The following NLGN1 variants were observed in gnomAD, a reference collection of about 807,000 sequenced individuals.
The protein encoded by NLGN1 is neuroligin 1.
A neutral mutation model predicts 65.5 loss-of-function variants in NLGN1; 12 were observed. The observed-to-expected ratio is 0.18, with a 90% CI of 0.12 to 0.30. The LOEUF is 0.30. NLGN1 is among the 10% of genes least tolerant of loss of function. NLGN1 has a pLI of 1.00. For synonymous variants in NLGN1, 350 were observed against 359.5 expected (o/e 0.97, Z 0.30); for missense variants, 750 against 1,007.1 (o/e 0.74, Z 3.46).
intron 4 of NLGN1, among the ~76,000 whole-genome samples, chr3:173,843,717 CATTGTGGGCAAAGCCATTCAACA>C (rs1412271623): frequency 6.6e-6 from 1 of 152,158 alleles, no homozygotes; most frequent in Non-Finnish European, 1.5e-5. Flanking sequence ...TTACTATCAG[CATTGTGGGCAAAGCCATTCAACA>C]AGTCTCTAGG....
Position 173,644,225 on chromosome 3 carries a change from AGCACCTTG to A in NLGN1, c.493+39138_493+39145del, listed in dbSNP as rs1757876979. 1.3e-5 allele frequency: 2 copies of A among 152,738 alleles called. 1 individual carries two copies. Among genetic ancestry groups the A allele is most frequent in the East Asian group, 3.9e-4 (2 of 5,192 alleles). The allele number at this position is 152,738 out of a possible 1,614,324, so 9.5% of individuals were successfully genotyped here. On this transcript the variant is annotated intron_variant, in intron 3 of 6. Transcript: ENST00000457714. The stretch of plus-strand genomic sequence containing the variant: ...GCTAAACAAGGAGCCAGCCCCAGTC[AGCACCTTG>A]GCATCTGCCTGGCCTCAGTGGCCCT...
At chr3:173,655,526 A>G (rs997016245) in intron 3 of NLGN1, among the ~76,000 whole-genome samples, 1 of 151,992 alleles carries the variant, frequency 6.6e-6, no homozygotes, top group Non-Finnish European at 1.5e-5. Flanking sequence ...GGAAGCATAT[A>G]TGACAGGTGT....
At chr3:173,579,314 A>G (rs766160853) in intron 2 of NLGN1, among the ~76,000 whole-genome samples, 2 of 152,214 alleles carry the variant, frequency 1.3e-5, no homozygotes, top group African/African-American at 2.4e-5. Flanking sequence ...TCTCTAGAAA[A>G]AAATACAAAA....
At chr3:173,765,586 C>T (rs1196588294) in intron 3 of NLGN1, among the ~76,000 whole-genome samples, 1 of 152,148 alleles carries the variant, frequency 6.6e-6, no homozygotes, top group African/African-American at 2.4e-5. Context: ...GCATCTTCCC[C>T]TACAGAATGT....
chr3:173,508,214 A>G (rs1029254845), intron 2 of NLGN1, among the ~76,000 whole-genome samples: 11 of 152,030 alleles, frequency 7.2e-5, no homozygotes, highest in African/African-American at 2.7e-4. Flanking sequence ...ATTTTGGTTC[A>G]TAATGTTAGT....
intron 4 of NLGN1, among the ~76,000 whole-genome samples, chr3:174,123,990 G>A (rs928763338): frequency 6.6e-6 from 1 of 152,022 alleles, no homozygotes; most frequent in Non-Finnish European, 1.5e-5. Context: ...TCTAGAGGTA[G>A]GGTCTTTAGG....
Position 173,512,319 on chromosome 3 carries a change from T to A in NLGN1, c.-321+77241T>A, listed in dbSNP as rs1416833501. On this transcript the variant is annotated intron_variant, in intron 2 of 6. Transcript: ENST00000457714. ...AGAGGATTGAGGTCACATGGACGAA[T>A]TGAAAGATGGTGAATGTGGAGAATT... Among the ~76,000 whole-genome samples, 3 of 152,130 alleles carry A rather than the reference T, an allele frequency of 2.0e-5. No homozygotes were observed. The East Asian group carries it at 5.8e-4, about 29-fold the overall frequency.
At chr3:173,938,700 A>G (rs1244156873) in intron 4 of NLGN1, among the ~76,000 whole-genome samples, 3 of 152,176 alleles carry the variant, frequency 2.0e-5, no homozygotes, top group Admixed American at 6.5e-5. Flanking sequence ...TGACAAGAGG[A>G]CTAGAACAAA....
intron 3 of NLGN1, among the ~76,000 whole-genome samples, chr3:173,792,694 A>C (rs1713077542): frequency 6.6e-6 from 1 of 152,158 alleles, no homozygotes; most frequent in South Asian, 2.1e-4. Context: ...TGCAGATAGT[A>C]AGAGGGTCTT....
At chr3:173,958,719 G>A (rs944235637) in intron 4 of NLGN1, among the ~76,000 whole-genome samples, 2 of 152,128 alleles carry the variant, frequency 1.3e-5, no homozygotes, top group Non-Finnish European at 2.9e-5. Context: ...CTTCACTAGG[G>A]ACTCTCCCCT....
At chr3:173,605,472 C>A (rs1751245767) in intron 3 of NLGN1, 62 bp from the exon 3 acceptor site, 1 of 851,740 alleles carries the variant, frequency 1.2e-6, no homozygotes, top group Non-Finnish European at 1.7e-6. Context: ...AGTGGTGTTG[C>A]ATGTTCCGGC....
intron 4 of NLGN1, among the ~76,000 whole-genome samples, chr3:174,054,784 T>A (rs910737076): frequency 5.3e-5 from 8 of 152,042 alleles, no homozygotes; most frequent in Non-Finnish European, 8.8e-5. Context: ...TAAAAGTTTC[T>A]AAGCACTTAT....
chr3:173,445,981 T>G (rs937561894), intron 2 of NLGN1, among the ~76,000 whole-genome samples: 1 of 152,198 alleles, frequency 6.6e-6, no homozygotes, highest in Admixed American at 6.5e-5. Context: ...AGATTACCCC[T>G]GTTTTTGCTT....
At chr3:173,423,337 A>T (rs1302757808) in intron 1 of NLGN1, among the ~76,000 whole-genome samples, 1 of 152,158 alleles carries the variant, frequency 6.6e-6, no homozygotes, top group African/African-American at 2.4e-5. Flanking sequence ...TTCAAAATCA[A>T]TAATGCCTTC....
chr3:174,290,571 GTTAAAA>G (rs1308389149), downstream of NLGN1, among the ~76,000 whole-genome samples: 7 of 150,968 alleles, frequency 4.6e-5, no homozygotes, highest in African/African-American at 7.3e-5. Flanking sequence ...CGAATAACAA[GTTAAAA>G]TTAAAATGTT....
intron 4 of NLGN1, among the ~76,000 whole-genome samples, chr3:174,273,837 G>A (rs1426517443): frequency 6.6e-6 from 1 of 151,582 alleles, no homozygotes; most frequent in Admixed American, 6.6e-5. Flanking sequence ...AAATTATTCA[G>A]GAGAATTTGT....
At chr3:174,083,674 T>C (rs538659213) in intron 4 of NLGN1, among the ~76,000 whole-genome samples, 2 of 152,316 alleles carry the variant, frequency 1.3e-5, no homozygotes, top group East Asian at 1.9e-4. Context: ...CTGATGCTCA[T>C]GTAACTCATT....
intron 2 of NLGN1, among the ~76,000 whole-genome samples, chr3:173,460,343 G>A (rs1328290568): frequency 6.6e-6 from 1 of 152,044 alleles, no homozygotes; most frequent in Non-Finnish European, 1.5e-5. Flanking sequence ...AAGCCTTCAG[G>A]AGACTTACGG....
chr3:173,767,149 G>A (rs539646763), intron 3 of NLGN1, among the ~76,000 whole-genome samples: 2 of 152,016 alleles, frequency 1.3e-5, no homozygotes, highest in African/African-American at 2.4e-5. Flanking sequence ...ACAAAAGAAG[G>A]GACTGGCGTG....
Sources: allele counts gnomAD v4.1 joint callset (sites outside exome capture counted in the v4.1 genomes callset), GRCh38; gene constraint gnomAD v4.1.1; transcripts MANE v1.5; gene names NCBI Gene and HGNC (gene_info 2026-07-23, HGNC 2026-07-21).